DLC1: variants seen among roughly 807,000 people sequenced by gnomAD.
DLC1 encodes DLC1 Rho GTPase activating protein.
Under a neutral mutation model 140.3 loss-of-function variants are expected in DLC1, and 54 were observed. The observed-to-expected ratio is 0.38, with a 90% CI of 0.31 to 0.48. The LOEUF is 0.48. Among genes scored for constraint, DLC1 ranks in the 20% least tolerant of loss-of-function variants. The probability of loss-of-function intolerance (pLI) is 0.96; values close to 1 mark genes in which losing one functional copy is unlikely to be tolerated. For synonymous variants in DLC1, 986 were observed against 728.1 expected (o/e 1.35, Z -5.70); for missense variants, 2,536 against 1,907.0 (o/e 1.33, Z -6.14).
Position 13,545,766 on chromosome 8 carries a change from A to G in DLC1, c.-125-45570T>C, listed in dbSNP as rs549559417. On this transcript the variant is annotated intron_variant, in intron 1 of 1. Coordinates refer to the DLC1 transcript ENST00000631382. ...ATAGTTGAAAAAAACAAGACTTTCT[A>G]TTTTCCTATCTTTTGTTTGTGATGT... Among the ~76,000 whole-genome samples, 6 of 152,162 alleles carry G rather than the reference A, an allele frequency of 3.9e-5. No individual in the cohort carries two copies. In the East Asian group the frequency reaches 5.8e-4, roughly 15 times the overall value.
At chr8:13,398,414 G>T (rs1419959571) in intron 3 of DLC1, among the ~76,000 whole-genome samples, 1 of 151,970 alleles carries the variant, frequency 6.6e-6, no homozygotes, top group African/African-American at 2.4e-5. Flanking sequence ...GGCACTGCTG[G>T]ATCTGTCAAA....
At chr8:13,582,135 C>CA (rs1164995622) in intron 1 of DLC1, among the ~76,000 whole-genome samples, 1 of 152,078 alleles carries the variant, frequency 6.6e-6, no homozygotes, top group Non-Finnish European at 1.5e-5. Context: ...TGGAGGTCAT[C>CA]AAAAAGCGCT....
intron 1 of DLC1, chr8:13,559,261 A>C (rs1481959558): frequency 6.6e-6 from 1 of 152,192 alleles, no homozygotes; most frequent in African/African-American, 2.4e-5. Context: ...TGAGCTATTC[A>C]CTCAGGATTC....
chr8:13,326,539 G>T (rs964056696), intron 4 of DLC1, among the ~76,000 whole-genome samples: 1 of 152,110 alleles, frequency 6.6e-6, no homozygotes, highest in African/African-American at 2.4e-5. Context: ...TTATTAAGTT[G>T]GACACCAACA....
chr8:13,519,545 T>C (rs924019802), upstream of DLC1, among the ~76,000 whole-genome samples: 16 of 152,190 alleles, frequency 1.1e-4, no homozygotes, highest in African/African-American at 3.9e-4. Context: ...TTGATCAATT[T>C]TGTCACAATT....
At chr8:13,174,284 A>C (rs1825645764) in intron 5 of DLC1, among the ~76,000 whole-genome samples, 1 of 152,174 alleles carries the variant, frequency 6.6e-6, no homozygotes, top group Non-Finnish European at 1.5e-5. Flanking sequence ...ACCTAGGTTG[A>C]TTCTATGTCT....
chr8:13,281,211 A>G (rs1045334157), intron 5 of DLC1, among the ~76,000 whole-genome samples: 1 of 152,214 alleles, frequency 6.6e-6, no homozygotes, highest in African/African-American at 2.4e-5. Context: ...GGCAACTGGC[A>G]ATTTTACTTG....
chr8:13,138,298 A>AT (rs1286742631), intron 5 of DLC1, among the ~76,000 whole-genome samples: 1 of 152,116 alleles, frequency 6.6e-6, no homozygotes, highest in Non-Finnish European at 1.5e-5. Flanking sequence ...GAGCTGAAAG[A>AT]TTTTTTCCAG....
intron 5 of DLC1, among the ~76,000 whole-genome samples, chr8:13,163,230 A>G (rs997159831): frequency 6.6e-6 from 1 of 152,194 alleles, no homozygotes; most frequent in African/African-American, 2.4e-5. Context: ...GCAATATCAT[A>G]AAAATATTAA....
At chr8:13,551,076 T>C (rs974003626) in intron 1 of DLC1, among the ~76,000 whole-genome samples, 7 of 978 alleles carry the variant, frequency 7.2e-3, no homozygotes, top group African/African-American at 0.012. Context: ...ACACACACAC[T>C]TTTTTTTTTT....
At chr8:13,318,719 T>G (rs976186071) in intron 4 of DLC1, among the ~76,000 whole-genome samples, 5 of 152,220 alleles carry the variant, frequency 3.3e-5, no homozygotes, top group Non-Finnish European at 7.3e-5. Flanking sequence ...GCCTAATGAT[T>G]AATCTTAAGG....
intron 2 of DLC1, among the ~76,000 whole-genome samples, chr8:13,490,581 C>G (rs533939513): frequency 6.6e-6 from 1 of 152,166 alleles, no homozygotes; most frequent in Non-Finnish European, 1.5e-5. Flanking sequence ...TGGATATTGG[C>G]ATTTCTTCGA....
At chr8:13,364,804 T>G (rs191765009) in intron 4 of DLC1, among the ~76,000 whole-genome samples, 1 of 152,322 alleles carries the variant, frequency 6.6e-6, no homozygotes, top group East Asian at 1.9e-4. Flanking sequence ...AAAACATGTA[T>G]ATTTTAAGGA....
intron 2 of DLC1, among the ~76,000 whole-genome samples, chr8:13,439,452 T>A (rs548860884): frequency 6.6e-6 from 1 of 152,288 alleles, no homozygotes; most frequent in Non-Finnish European, 1.5e-5. Flanking sequence ...TTTTCTTTTA[T>A]TCATACAACT....
At chr8:13,556,030 GAGA>G (rs924326891) in intron 1 of DLC1, among the ~76,000 whole-genome samples, 6 of 152,132 alleles carry the variant, frequency 3.9e-5, no homozygotes, top group African/African-American at 1.2e-4. Flanking sequence ...AGGTGGAAGA[GAGA>G]AGGACAAAAG....
At chr8:13,404,181 C>T (rs1424932430) in intron 2 of DLC1, among the ~76,000 whole-genome samples, 2 of 152,082 alleles carry the variant, frequency 1.3e-5, no homozygotes, top group African/African-American at 4.8e-5. Flanking sequence ...GTTTGGGGAG[C>T]ATATTTCTTA....
chr8:13,182,015 T>C (rs1014785386), intron 5 of DLC1, among the ~76,000 whole-genome samples: 6 of 152,230 alleles, frequency 3.9e-5, no homozygotes, highest in African/African-American at 1.4e-4. Flanking sequence ...CCTGACTTTT[T>C]AATGATTTCC....
At chr8:13,376,799 T>C (rs534575120) in intron 4 of DLC1, among the ~76,000 whole-genome samples, 4 of 152,316 alleles carry the variant, frequency 2.6e-5, no homozygotes, top group African/African-American at 9.6e-5. Flanking sequence ...ACGGCTCTTT[T>C]GAGCCAACAT....
At chr8:13,181,460 A>G (rs1826030847) in intron 5 of DLC1, among the ~76,000 whole-genome samples, 1 of 150,082 alleles carries the variant, frequency 6.7e-6, no homozygotes, top group South Asian at 2.1e-4. Context: ...TATATTAGGT[A>G]TTTCTCCTAA....
Sources: gnomAD v4.1 joint callset for allele counts (sites outside exome capture counted in the v4.1 genomes callset) on GRCh38, gnomAD v4.1.1 for gene constraint, MANE v1.5 for transcripts, NCBI Gene and HGNC (gene_info 2026-07-23, HGNC 2026-07-21) for gene names.